The following CAMKK1 variants were observed in gnomAD, a reference collection of about 807,000 sequenced individuals.
CAMKK1 encodes calcium/calmodulin dependent protein kinase kinase 1.
CAMKK1 carries 20 observed loss-of-function variants against 63.5 expected under a neutral mutation model. The observed-to-expected ratio is 0.32, with a 90% CI of 0.22 to 0.46. CAMKK1 has a LOEUF of 0.46. Ranked by LOEUF, CAMKK1 falls within the 20% of genes least tolerant of loss-of-function variation. The pLI, the probability that CAMKK1 is intolerant of heterozygous loss-of-function variation, is 1.00. For synonymous variants in CAMKK1, 253 were observed against 269.0 expected (o/e 0.94, Z 0.58); for missense variants, 588 against 658.1 (o/e 0.89, Z 1.17).
chr17:3,885,773 G>A, intron 1 of CAMKK1, 43 bp from the exon 2 acceptor site: 1 of 1,563,500 alleles, frequency 6.4e-7, no homozygotes, highest in African/African-American at 1.3e-5. Context: ...TGGGTGTCAG[G>A]CTGGCTACCA....
chr17:3,865,933 T>A lies in CAMKK1; in HGVS notation c.1420A>T (p.Met474Leu), dbSNP rs1363972079. ...EPQARREERS[M>L]SAPGNLLVKE... ...ACCAGTAGGTTTCCTGGAGCAGACA[T>A]GGATCGCTCTTCCCTCCGTGCTTGG... The change falls in exon 15 of 16, where the codon ATG (methionine) becomes TTG (leucine). Residue 474 changes from methionine to leucine, a missense_variant. Physicochemically the swap from Met to Leu is conservative, Grantham distance 15. Transcript: ENST00000348335. 1.2e-6 allele frequency: 2 copies of A among 1,614,124 alleles called. No individual in the cohort carries two copies. The highest frequency in any genetic ancestry group is 1.1e-5 in the South Asian group (1 of 91,084).
chr17:3,872,531 G>T (rs765912536), intron 12 of CAMKK1, 23 bp downstream of exon 12: 33 of 1,603,290 alleles, frequency 2.1e-5, no homozygotes, highest in Admixed American at 6.7e-5. Flanking sequence ...TAGCCCCCTT[G>T]TTCCCCTGGG....
chr17:3,888,766 G>A (rs1002031874), intron 1 of CAMKK1, among the ~76,000 whole-genome samples: 3 of 152,278 alleles, frequency 2.0e-5, no homozygotes, highest in Admixed American at 6.5e-5. Context: ...GACTAAGCGC[G>A]TCTGCGAGGG....
At chr17:3,872,971 C>T (rs1421581526) in intron 11 of CAMKK1, among the ~76,000 whole-genome samples, 1 of 152,222 alleles carries the variant, frequency 6.6e-6, no homozygotes, top group Non-Finnish European at 1.5e-5. Context: ...CCCCCTGCCC[C>T]TTAGTGTGGT....
At chr17:3,869,732 C>T (rs1567615781) in intron 13 of CAMKK1, 69 bp downstream of exon 13, 1 of 1,598,208 alleles carries the variant, frequency 6.3e-7, no homozygotes, top group Non-Finnish European at 8.6e-7. Flanking sequence ...GGTGTTGATC[C>T]CTCCAGAAAG....
intron 1 of CAMKK1, among the ~76,000 whole-genome samples, chr17:3,886,963 T>C (rs1433684090): frequency 2.0e-5 from 3 of 152,250 alleles, no homozygotes; most frequent in East Asian, 3.9e-4. Context: ...TGTCTGCTGG[T>C]AACTTCCTCC....
Position 3,883,084 on chromosome 17 carries a change from G to C in CAMKK1, c.606C>G (p.Ile202Met), listed in dbSNP as rs1175184162. 1.2e-6 allele frequency: 2 copies of C among 1,613,744 alleles called. No homozygotes were observed. Among genetic ancestry groups the C allele is most frequent in the Non-Finnish European group, 1.7e-6 (2 of 1,179,986 alleles). ...CATTCACGTGGTCCAGCTTCTTCAGGATGGCAATCTCCTGGTACACCCGCT... is the reference window on the plus strand; with the variant it reads ...CATTCACGTGGTCCAGCTTCTTCAGCATGGCAATCTCCTGGTACACCCGCT... Reference protein sequence around the residue: ...PLERVYQEIAILKKLDHVNVV... With the variant: ...PLERVYQEIAMLKKLDHVNVV... Residue 202 changes from isoleucine to methionine, a missense_variant, in exon 6 of 16, where the codon ATC (isoleucine) becomes ATG (methionine). By Grantham distance (10) the Ile-to-Met change is conservative. Coordinates refer to ENST00000348335, the MANE Select transcript of CAMKK1 (RefSeq NM_032294.3). This position sits in a 1 kb window ranked among gnomAD's most constrained non-coding sequence, Gnocchi z 4.7.
intron 10 of CAMKK1, among the ~76,000 whole-genome samples, chr17:3,875,936 G>C (rs1207786450): frequency 1.3e-5 from 2 of 152,186 alleles, no homozygotes; most frequent in African/African-American, 4.8e-5. Flanking sequence ...AAACCATCCA[G>C]AGGGCAGGAA....
chr17:3,872,455 G>T, intron 12 of CAMKK1, 99 bp downstream of exon 12: 1 of 947,716 alleles, frequency 1.1e-6, no homozygotes, highest in Non-Finnish European at 1.7e-6. Context: ...CTTCATATCT[G>T]CAGGCTGGGG....
chr17:3,872,219 G>C (rs2054919468), intron 12 of CAMKK1, among the ~76,000 whole-genome samples: 1 of 152,224 alleles, frequency 6.6e-6, no homozygotes, highest in African/African-American at 2.4e-5. Context: ...ACCCTGAGTG[G>C]GGGAAGGAGA....
rs1307363264 is a variant in CAMKK1, at chr17:3,890,829, C to T, written c.-44+2110G>A. 4 of 774,502 alleles carry T rather than the reference C, an allele frequency of 5.2e-6. No individual in the cohort carries two copies. The highest frequency in any genetic ancestry group is 1.7e-5 in the Admixed American group (1 of 58,386). The allele number at this position is 774,502 out of a possible 1,614,324, so 48.0% of individuals were successfully genotyped here. On this transcript the variant is annotated intron_variant, in intron 1 of 15. Transcript: ENST00000348335. This position sits in a 1 kb window ranked among gnomAD's most constrained non-coding sequence, Gnocchi z 6.5. The stretch of plus-strand genomic sequence containing the variant: ...CTGGAGGACAGCTCAGACATCGCCT[C>T]TTCTGAGCCCTCCTTGATCTCCCCA...
In CAMKK1 at chr17:3,883,298, T is replaced by G; in HGVS notation, c.515-123A>C. 1.3e-6 allele frequency: 2 copies of G among 1,484,558 alleles called. No homozygotes were observed. The highest frequency in any genetic ancestry group is 2.3e-5 in the East Asian group (1 of 44,134). 92.0% of individuals were successfully genotyped at this position (1,484,558 alleles called of 1,614,324 possible). A position where few individuals can be genotyped will look rare whatever the true frequency, so the allele number is the denominator to read the frequency against. On this transcript the variant is annotated intron_variant, in intron 5 of 15. Transcript: ENST00000348335. This position sits in a 1 kb window ranked among gnomAD's most constrained non-coding sequence, Gnocchi z 4.7. ...TCTTGTCCCAACCCACAGGGCACATTCTGTCCCCAGGCCTCTGCTCACGCT... is the reference window on the plus strand; with the variant it reads ...TCTTGTCCCAACCCACAGGGCACATGCTGTCCCCAGGCCTCTGCTCACGCT...
At chr17:3,867,527 G>C (rs985299853) in intron 14 of CAMKK1, among the ~76,000 whole-genome samples, 3 of 152,194 alleles carry the variant, frequency 2.0e-5, no homozygotes, top group Non-Finnish European at 4.4e-5. Flanking sequence ...CAGGGAGTGA[G>C]AGTAGAAGCA....
intron 1 of CAMKK1, among the ~76,000 whole-genome samples, chr17:3,891,561 T>G (rs1398885400): frequency 6.6e-6 from 1 of 152,088 alleles, no homozygotes. Flanking sequence ...GCTTGCTCAG[T>G]ATGAAGAACA....
At chr17:3,871,367 T>G (rs2054857593) in intron 12 of CAMKK1, among the ~76,000 whole-genome samples, 1 of 122,958 alleles carries the variant, frequency 8.1e-6, no homozygotes, top group Non-Finnish European at 1.6e-5. Flanking sequence ...TTTTTTTTTT[T>G]TTTTTGAGAC....
At chr17:3,886,905 T>C (rs182321680) in intron 1 of CAMKK1, among the ~76,000 whole-genome samples, 1 of 152,292 alleles carries the variant, frequency 6.6e-6, no homozygotes, top group African/African-American at 2.4e-5. Flanking sequence ...GGACTCTGCA[T>C]GTTCTCAGGA....
chr17:3,885,299 T>C (rs774739026), intron 2 of CAMKK1, 29 bp downstream of exon 2: 2 of 1,552,210 alleles, frequency 1.3e-6, no homozygotes, highest in Non-Finnish European at 8.7e-7. Context: ...GAGGGGCTCA[T>C]GAACAACCCC....
intron 9 of CAMKK1, among the ~76,000 whole-genome samples, chr17:3,878,160 G>A (rs1490010038): frequency 1.3e-5 from 2 of 151,948 alleles, no homozygotes; most frequent in Non-Finnish European, 1.5e-5. Flanking sequence ...CATCTGCATC[G>A]TTGCACCTGC....
intron 14 of CAMKK1, among the ~76,000 whole-genome samples, chr17:3,867,772 C>A (rs1200147124): frequency 2.0e-5 from 3 of 152,168 alleles, no homozygotes; most frequent in African/African-American, 7.2e-5. Flanking sequence ...GGCTCTCCTC[C>A]TGGCCTTGTG....
Sources: allele counts gnomAD v4.1 joint callset (sites outside exome capture counted in the v4.1 genomes callset), GRCh38; gene constraint gnomAD v4.1.1; non-coding constraint Gnocchi (gnomAD v3.1); transcripts MANE v1.5; gene names NCBI Gene and HGNC (gene_info 2026-07-23, HGNC 2026-07-21).